BBOX1: variants seen among roughly 807,000 people sequenced by gnomAD.
BBOX1 encodes the protein gamma-butyrobetaine dioxygenase.
In BBOX1, 35 loss-of-function variants were observed where a neutral mutation model predicts 41.6. The ratio of observed to expected loss-of-function variants is 0.84; its 90% CI spans 0.64 to 1.11. BBOX1 has a LOEUF of 1.11. Among genes scored for constraint, BBOX1 ranks in the 50% most tolerant of loss-of-function variants. BBOX1 has a pLI of 0.00. For missense variants in BBOX1, 458 were observed against 460.6 expected (o/e 0.99, Z 0.05); for synonymous variants, 163 against 154.7 (o/e 1.05, Z -0.40).
chr11:27,054,201 G>C (rs891746421), intron 2 of BBOX1, among the ~76,000 whole-genome samples: 1 of 108,200 alleles, frequency 9.2e-6, no homozygotes, highest in Non-Finnish European at 1.9e-5. Context: ...GTGTGTGTGT[G>C]TGTCTGTGTG....
rs140520172 is a variant in BBOX1, at chr11:27,073,864, G to T, written c.334+16549G>T. 5.9e-3 allele frequency among the ~76,000 whole-genome samples: 900 copies of T among 152,008 alleles called. 7 individuals carry two copies. The highest frequency in any genetic ancestry group is 0.021 in the African/African-American group (860 of 41,480). ...CACTCATAGGTGGGAACTGAACAAT[G>T]AGAACACTTGGACACAGGAAGGGAA... On this transcript the variant is annotated intron_variant, in intron 4 of 8. Transcript: ENST00000263182.
chr11:27,077,196 A>C (rs10767601), intron 4 of BBOX1, among the ~76,000 whole-genome samples: 137,148 of 152,102 alleles, frequency 0.9, 62,006 homozygotes, highest in East Asian at 0.94. Flanking sequence ...TCTGTCAGGT[A>C]CCCTGTGAAG....
chr11:27,111,129 A>G (rs1485659388), intron 5 of BBOX1, among the ~76,000 whole-genome samples: 2 of 151,868 alleles, frequency 1.3e-5, no homozygotes, highest in Non-Finnish European at 2.9e-5. Context: ...AAAATTAATC[A>G]TTTTGTGGTA....
At chr11:27,070,706 A>ATT (rs58041903) in intron 4 of BBOX1, among the ~76,000 whole-genome samples, 205 of 133,698 alleles carry the variant, frequency 1.5e-3, no homozygotes, top group African/African-American at 4.7e-3. Flanking sequence ...TTTGTGATTG[A>ATT]TTTTTTTTTT....
intron 4 of BBOX1, among the ~76,000 whole-genome samples, chr11:27,066,117 T>C (rs1857271818): frequency 6.6e-6 from 1 of 152,212 alleles, no homozygotes; most frequent in Non-Finnish European, 1.5e-5. Context: ...AAGTTATTAC[T>C]TTTTAAACAA....
At chr11:27,121,753 G>A (rs189487547) in intron 7 of BBOX1, among the ~76,000 whole-genome samples, 2 of 152,292 alleles carry the variant, frequency 1.3e-5, no homozygotes, top group African/African-American at 4.8e-5. Flanking sequence ...TAGTTATAAT[G>A]TGACAGTTTT....
At chr11:27,100,708 C>A (rs1312556195) in intron 5 of BBOX1, among the ~76,000 whole-genome samples, 1 of 152,094 alleles carries the variant, frequency 6.6e-6, no homozygotes, top group East Asian at 1.9e-4. Context: ...CTGCTGCCAA[C>A]AAAACCACTT....
chr11:27,049,354 C>G (rs999083886), intron 2 of BBOX1, among the ~76,000 whole-genome samples: 1 of 151,974 alleles, frequency 6.6e-6, no homozygotes, highest in Admixed American at 6.6e-5. Flanking sequence ...TACCTGCTGG[C>G]CATTTATATG....
chr11:27,050,970 C>T (rs142570735), intron 2 of BBOX1, among the ~76,000 whole-genome samples: 1 of 152,108 alleles, frequency 6.6e-6, no homozygotes, highest in East Asian at 1.9e-4. Context: ...TAGCTGTGGG[C>T]TTGGCACAGA....
chr11:27,058,915 A>G (rs1360456556), intron 4 of BBOX1, among the ~76,000 whole-genome samples: 1 of 152,198 alleles, frequency 6.6e-6, no homozygotes, highest in Non-Finnish European at 1.5e-5. Flanking sequence ...GAGAAAGAAA[A>G]AGCTTTTTTG....
At chr11:27,065,732 G>C (rs1238600571) in intron 4 of BBOX1, among the ~76,000 whole-genome samples, 1 of 151,966 alleles carries the variant, frequency 6.6e-6, no homozygotes, top group African/African-American at 2.4e-5. Context: ...TATTTTACTA[G>C]ATGTATTGAT....
At chr11:27,070,298 T>C (rs1393373523) in intron 4 of BBOX1, among the ~76,000 whole-genome samples, 2 of 152,138 alleles carry the variant, frequency 1.3e-5, no homozygotes, top group Non-Finnish European at 2.9e-5. Flanking sequence ...GTAGTTTAAG[T>C]CCATTGTTGC....
At chr11:27,069,008 G>A (rs1446408507) in intron 4 of BBOX1, among the ~76,000 whole-genome samples, 1 of 151,974 alleles carries the variant, frequency 6.6e-6, no homozygotes, top group African/African-American at 2.4e-5. Context: ...TTCAGATGAT[G>A]CATTCAGATT....
intron 4 of BBOX1, among the ~76,000 whole-genome samples, chr11:27,062,148 A>AT (rs1857148564): frequency 6.6e-6 from 1 of 152,216 alleles, no homozygotes; most frequent in African/African-American, 2.4e-5. Flanking sequence ...AAGTAAGGAA[A>AT]TTCTCAACAA....
intron 2 of BBOX1, among the ~76,000 whole-genome samples, 194 bp downstream of exon 2, chr11:27,041,672 A>G (rs1297549825): frequency 6.6e-6 from 1 of 152,154 alleles, no homozygotes; most frequent in African/African-American, 2.4e-5. Flanking sequence ...TCCATCAAGC[A>G]TTTAGAATAG....
chr11:27,115,482 T>C lies in BBOX1; in HGVS notation c.564T>C (p.Asp188=). Residue 188 remains aspartate (D), a synonymous_variant, in exon 6 of 9, where the codon GAT becomes GAC. Transcript: ENST00000263182. ...GHTWQVQDKI[D]ANNVAYTTGK... ...CTTGGCAAGTGCAAGACAAAATCGATGCAAACAATGTGGCTTACACAACTG... is the reference window on the plus strand; with the variant it reads ...CTTGGCAAGTGCAAGACAAAATCGACGCAAACAATGTGGCTTACACAACTG... 2.5e-6 allele frequency: 4 copies of C among 1,610,792 alleles called. No homozygotes were observed. Among genetic ancestry groups the C allele is most frequent in the Non-Finnish European group, 3.4e-6 (4 of 1,177,996 alleles).
intron 4 of BBOX1, among the ~76,000 whole-genome samples, chr11:27,061,711 C>G (rs575085771): frequency 2.0e-5 from 3 of 152,234 alleles, no homozygotes; most frequent in African/African-American, 4.8e-5. Flanking sequence ...CTTGATCTTC[C>G]CCCTGGCACT....
chr11:27,056,816 C>T (rs1856993520), intron 3 of BBOX1, among the ~76,000 whole-genome samples: 1 of 151,550 alleles, frequency 6.6e-6, no homozygotes, highest in Non-Finnish European at 1.5e-5. Flanking sequence ...GCCTGTAATC[C>T]CAGCACTTTG....
intron 2 of BBOX1, among the ~76,000 whole-genome samples, chr11:27,054,978 G>T (rs1452518303): frequency 1.3e-5 from 2 of 152,036 alleles, no homozygotes; most frequent in African/African-American, 4.8e-5. Flanking sequence ...CAAAAGCCAT[G>T]TCCAAGTGGG....
Sources: gnomAD v4.1 joint callset for allele counts (sites outside exome capture counted in the v4.1 genomes callset) on GRCh38, gnomAD v4.1.1 for gene constraint, MANE v1.5 for transcripts, NCBI Gene and HGNC (gene_info 2026-07-23, HGNC 2026-07-21) for gene names.